COL27A1: variants seen among roughly 807,000 people sequenced by gnomAD.
The protein encoded by COL27A1 is collagen type XXVII alpha 1 chain.
In COL27A1, 106 loss-of-function variants were observed where a neutral mutation model predicts 251.3. The ratio of observed to expected loss-of-function variants is 0.42; its 90% CI spans 0.36 to 0.50. The LOEUF is 0.50. COL27A1 is among the 20% of genes least tolerant of loss of function. COL27A1 has a pLI of 0.00. For missense variants in COL27A1, 2,325 were observed against 2,522.8 expected (o/e 0.92, Z 1.68); for synonymous variants, 1,000 against 986.3 (o/e 1.01, Z -0.26).
At chr9:114,286,326 G>T (rs546011236) in intron 41 of COL27A1, among the ~76,000 whole-genome samples, 1 of 152,248 alleles carries the variant, frequency 6.6e-6, no homozygotes, top group South Asian at 2.1e-4. Context: ...AGGTACCATT[G>T]TTCTACAAGA....
At position 114,167,791 on chromosome 9, in the gene COL27A1, G is replaced by A. The variant is rs769153208; in HGVS notation, c.236G>A (p.Arg79Gln). The A allele has an allele frequency of 2.7e-5, 43 of 1,613,430 alleles. No homozygotes were observed. The highest frequency in any genetic ancestry group is 1.1e-4 in the South Asian group (10 of 91,090). Residue 79 changes from arginine (R) to glutamine (Q), a missense_variant, in exon 3 of 61, where the codon CGG becomes CAG. Arg to Gln is a conservative substitution (Grantham distance 43, BLOSUM62 1). This residue lies in a region of COL27A1 where 1,183 missense variants were observed against 1,144.1 expected (regional missense o/e 1.03). Coordinates refer to ENST00000356083, the MANE Select transcript of COL27A1 (RefSeq NM_032888.4). The stretch of plus-strand genomic sequence containing the variant: ...CAGTCGGGCTTCATCTTTACGCAGC[G>A]GGCCCGGCTCCAGGCTCCCACGGGC... ...PFQSGFIFTQ[R>Q]ARLQAPTGTV...
chr9:114,156,470 AC>A (rs1181114412), intron 1 of COL27A1, among the ~76,000 whole-genome samples: 1 of 151,268 alleles, frequency 6.6e-6, no homozygotes, highest in Non-Finnish European at 1.5e-5. Flanking sequence ...TTTCTAGGTC[AC>A]CAGGTCTCGG....
chr9:114,174,486 G>T (rs1274141261), intron 3 of COL27A1, among the ~76,000 whole-genome samples: 2 of 152,192 alleles, frequency 1.3e-5, no homozygotes, highest in Non-Finnish European at 2.9e-5. Context: ...AGGGCACAGG[G>T]AGAGAAATAT....
At chr9:114,167,580 G>A in intron 2 of COL27A1, 109 bp from the exon 3 acceptor site, 1 of 876,262 alleles carries the variant, frequency 1.1e-6, no homozygotes. Context: ...AAAGGACCAG[G>A]TAGCTGTGGG....
chr9:114,161,360 C>T (rs1012948214), intron 1 of COL27A1, among the ~76,000 whole-genome samples: 7 of 152,104 alleles, frequency 4.6e-5, no homozygotes, highest in Admixed American at 1.3e-4. Context: ...ATGAAATTCT[C>T]GGGATCAACT....
intron 2 of COL27A1, among the ~76,000 whole-genome samples, chr9:114,165,922 A>C (rs1405333820): frequency 4.1e-5 from 5 of 121,520 alleles, no homozygotes; most frequent in African/African-American, 9.7e-5. Context: ...ATCCACCCAT[A>C]CAGCCAGCCA....
At chr9:114,199,655 G>C (rs117750117) in intron 7 of COL27A1, among the ~76,000 whole-genome samples, 3 of 152,118 alleles carry the variant, frequency 2.0e-5, no homozygotes, top group African/African-American at 7.2e-5. Flanking sequence ...CAGAAGTGAC[G>C]CCTCACTTCC....
intron 14 of COL27A1, among the ~76,000 whole-genome samples, chr9:114,227,741 G>A (rs1484237923): frequency 1.3e-5 from 2 of 152,072 alleles, no homozygotes; most frequent in African/African-American, 2.4e-5. Flanking sequence ...CGTGTGGTGC[G>A]GTGTCTGGGA....
chr9:114,154,418 T>TGTGTGCGCGCGCCTAAAG (rs1158124006), upstream of COL27A1, among the ~76,000 whole-genome samples: 2 of 151,854 alleles, frequency 1.3e-5, no homozygotes, highest in Non-Finnish European at 1.5e-5. This position sits in a 1 kb window ranked among gnomAD's most constrained non-coding sequence, Gnocchi z 5.8. Flanking sequence ...TATATGCCTG[T>TGTGTGCGCGCGCCTAAAG]GTGTGCGCGC....
At chr9:114,173,412 G>A (rs1442180098) in intron 3 of COL27A1, among the ~76,000 whole-genome samples, 1 of 152,254 alleles carries the variant, frequency 6.6e-6, no homozygotes, top group Non-Finnish European at 1.5e-5. Flanking sequence ...CCCAGGCGGG[G>A]TTCCTTGAGG....
rs138060609 is a variant in COL27A1, at chr9:114,209,701, C to T, written c.2295C>T (p.Phe765=). Residue 765 remains phenylalanine (F), a synonymous_variant, in exon 11 of 61, where the codon TTC becomes TTT. Coordinates refer to ENST00000356083, the MANE Select transcript of COL27A1 (RefSeq NM_032888.4). ...SRGYIGLPGL[F]GLPGSDGERG... Reference sequence around the variant, plus strand: ...GCTACATTGGGCTCCCAGGGCTCTTCGGCCTGCCAGGGTCTGATGGAGAAC... The same window carrying T: ...GCTACATTGGGCTCCCAGGGCTCTTTGGCCTGCCAGGGTCTGATGGAGAAC... 964 of 1,614,168 alleles carry T rather than the reference C, an allele frequency of 6.0e-4. 4 individuals are homozygous for T. In the African/African-American group the frequency reaches 0.011, roughly 18 times the overall value.
At chr9:114,245,189 C>G (rs1470089024) in intron 23 of COL27A1, among the ~76,000 whole-genome samples, 1 of 125,340 alleles carries the variant, frequency 8.0e-6, no homozygotes, top group Non-Finnish European at 1.6e-5. Context: ...CAGTCTCGCT[C>G]TTGTCACCCA....
chr9:114,222,310 G>A, intron 14 of COL27A1, 43 bp downstream of exon 14: 1 of 1,578,972 alleles, frequency 6.3e-7, no homozygotes, highest in South Asian at 1.1e-5. Context: ...GTGTTGAGGA[G>A]ACTCAGGGTG....
At chr9:114,235,512 A>G (rs1309796146) in intron 16 of COL27A1, 87 bp from the exon 17 acceptor site, 1 of 1,003,632 alleles carries the variant, frequency 1.0e-6, no homozygotes, top group Non-Finnish European at 1.6e-6. Flanking sequence ...GCCTCGGCAC[A>G]GCTGTACCTC....
At chr9:114,235,018 G>C (rs961809179) in intron 16 of COL27A1, among the ~76,000 whole-genome samples, 3 of 141,186 alleles carry the variant, frequency 2.1e-5, no homozygotes, top group African/African-American at 7.8e-5. Context: ...GGTCAAAGCT[G>C]CACAGAGCCA....
chr9:114,242,313 C>A, intron 22 of COL27A1, 82 bp downstream of exon 22: 1 of 1,257,604 alleles, frequency 8.0e-7, no homozygotes, highest in Non-Finnish European at 1.1e-6. Flanking sequence ...CTGGCCAGTG[C>A]TCCAGAGGGA....
rs73656003 is a variant in COL27A1 at position 114,160,031 on chromosome 9, T to C, written c.63-2684T>C. On this transcript the variant is annotated intron_variant, in intron 1 of 60. Coordinates refer to ENST00000356083, the MANE Select transcript of COL27A1 (RefSeq NM_032888.4). ...GGGGGCCTGGCCCCATGAAAAGGCA[T>C]TCTCACAACAGTGGCAGCAGATTGG... Among the ~76,000 whole-genome samples, 593 of 152,258 alleles carry C rather than the reference T, an allele frequency of 3.9e-3. 8 individuals are homozygous for C. The highest frequency in any genetic ancestry group is 0.014 in the African/African-American group (584 of 41,554).
intron 45 of COL27A1, 97 bp from the exon 46 acceptor site, chr9:114,289,961 C>A: frequency 7.3e-7 from 1 of 1,362,740 alleles, no homozygotes; most frequent in South Asian, 1.2e-5. Flanking sequence ...AGATGTTCAC[C>A]CAGGGGCCCA....
At chr9:114,166,509 T>G (rs1429675338) in intron 2 of COL27A1, among the ~76,000 whole-genome samples, 4 of 150,744 alleles carry the variant, frequency 2.7e-5, no homozygotes, top group Non-Finnish European at 5.9e-5. Flanking sequence ...GAGGGCCAAA[T>G]GCCAAGTGTT....
Sources: allele counts gnomAD v4.1 joint callset (sites outside exome capture counted in the v4.1 genomes callset), GRCh38; gene constraint gnomAD v4.1.1; regional missense constraint gnomAD v4.1.1; non-coding constraint Gnocchi (gnomAD v3.1); transcripts MANE v1.5; gene names NCBI Gene and HGNC (gene_info 2026-07-23, HGNC 2026-07-21).